Variants in HS3ST4 observed in about 807,000 individuals in gnomAD.
The protein encoded by HS3ST4 is heparan sulfate glucosamine 3-O-sulfotransferase 4.
In HS3ST4, 17 loss-of-function variants were observed where a neutral mutation model predicts 29.2. The observed-to-expected ratio is 0.58, with a 90% CI of 0.40 to 0.87. HS3ST4 has a LOEUF of 0.87. HS3ST4 is among the 40% of genes least tolerant of loss of function. The probability of loss-of-function intolerance (pLI) is 0.00; values close to 1 mark genes in which losing one functional copy is unlikely to be tolerated. For synonymous variants in HS3ST4, 314 were observed against 285.7 expected (o/e 1.10, Z -1.00); for missense variants, 627 against 634.5 (o/e 0.99, Z 0.13).
intron 1 of HS3ST4, among the ~76,000 whole-genome samples, chr16:25,754,060 G>A (rs1269477381): frequency 1.3e-5 from 2 of 152,144 alleles, no homozygotes; most frequent in Non-Finnish European, 2.9e-5. Context: ...TTCTTATGAT[G>A]GGAATGGTTG....
At chr16:25,910,325 A>C (rs1350437362) in intron 1 of HS3ST4, among the ~76,000 whole-genome samples, 2 of 152,174 alleles carry the variant, frequency 1.3e-5, no homozygotes, top group African/African-American at 4.8e-5. Context: ...AGAGTCCATG[A>C]AACATTGGAG....
At chr16:25,828,294 T>TTCTC (rs1567249485) in intron 1 of HS3ST4, among the ~76,000 whole-genome samples, 1 of 45,056 alleles carries the variant, frequency 2.2e-5, no homozygotes, top group Non-Finnish European at 4.3e-5. Flanking sequence ...CTTTCTTTCT[T>TTCTC]TCTTTCCCTC....
intron 1 of HS3ST4, among the ~76,000 whole-genome samples, chr16:25,739,501 G>C (rs950127717): frequency 6.6e-6 from 1 of 151,196 alleles, no homozygotes; most frequent in African/African-American, 2.5e-5. Context: ...TGCATGACAT[G>C]CTTAAAAACA....
At chr16:25,964,061 GC>G (rs1390305229) in intron 1 of HS3ST4, among the ~76,000 whole-genome samples, 2 of 151,914 alleles carry the variant, frequency 1.3e-5, no homozygotes, top group African/African-American at 4.8e-5. Context: ...TGTAATCCCA[GC>G]CACTTGGGAG....
intron 1 of HS3ST4, among the ~76,000 whole-genome samples, chr16:25,944,199 C>T (rs929255139): frequency 7.2e-5 from 11 of 152,232 alleles, no homozygotes; most frequent in Admixed American, 2.6e-4. Context: ...GAATAAGGCA[C>T]GCAGACACTG....
intron 1 of HS3ST4, among the ~76,000 whole-genome samples, chr16:25,850,828 T>A (rs952724871): frequency 6.6e-6 from 1 of 152,192 alleles, no homozygotes; most frequent in African/African-American, 2.4e-5. Flanking sequence ...GAAACTATTC[T>A]GTGTTAAGGA....
intron 1 of HS3ST4, among the ~76,000 whole-genome samples, chr16:25,822,935 C>T (rs968305464): frequency 6.6e-6 from 1 of 151,924 alleles, no homozygotes; most frequent in Non-Finnish European, 1.5e-5. Context: ...AAAGGATTTC[C>T]CTATGTTGGT....
intron 1 of HS3ST4, among the ~76,000 whole-genome samples, chr16:25,908,959 G>A (rs1399862669): frequency 2.6e-5 from 4 of 152,180 alleles, no homozygotes; most frequent in African/African-American, 9.6e-5. Flanking sequence ...GTCCCTTGGT[G>A]CCCAGGGCTG....
chr16:26,041,267 A>G (rs1295778684), intron 1 of HS3ST4, among the ~76,000 whole-genome samples: 1 of 152,048 alleles, frequency 6.6e-6, no homozygotes, highest in Non-Finnish European at 1.5e-5. Context: ...GATTGAACCT[A>G]AGAGTCAAGG....
At chr16:25,711,501 C>T (rs537281771) in intron 1 of HS3ST4, among the ~76,000 whole-genome samples, 3 of 152,114 alleles carry the variant, frequency 2.0e-5, no homozygotes, top group African/African-American at 7.2e-5. Flanking sequence ...GTGGTGGCCC[C>T]GTAAAGAGGA....
At chr16:25,835,798 A>T (rs1401876691) in intron 1 of HS3ST4, among the ~76,000 whole-genome samples, 2 of 152,166 alleles carry the variant, frequency 1.3e-5, no homozygotes, top group Non-Finnish European at 2.9e-5. Context: ...TCTCTCTTAT[A>T]CCAAAGGGTG....
chr16:25,806,414 G>A (rs1433523786), intron 1 of HS3ST4, among the ~76,000 whole-genome samples: 1 of 152,120 alleles, frequency 6.6e-6, no homozygotes, highest in African/African-American at 2.4e-5. Context: ...TGAAGTGCCA[G>A]CTCAGTGGCC....
intron 1 of HS3ST4, among the ~76,000 whole-genome samples, chr16:25,826,726 A>G (rs937832653): frequency 6.6e-5 from 10 of 152,190 alleles, no homozygotes; most frequent in South Asian, 2.1e-4. Flanking sequence ...TGAATCGTCA[A>G]GTTGGAGGGA....
chr16:25,731,244 C>T (rs1172810421), intron 1 of HS3ST4, among the ~76,000 whole-genome samples: 1 of 152,168 alleles, frequency 6.6e-6, no homozygotes, highest in East Asian at 1.9e-4. Context: ...GGCCCAGGGC[C>T]CTACATGAAC....
At chr16:25,854,739 T>C (rs944015594) in intron 1 of HS3ST4, among the ~76,000 whole-genome samples, 1 of 151,974 alleles carries the variant, frequency 6.6e-6, no homozygotes, top group Admixed American at 6.6e-5. Context: ...TCCACTGTTA[T>C]TTTACTGGAG....
intron 1 of HS3ST4, among the ~76,000 whole-genome samples, chr16:25,800,802 G>C (rs1390949813): frequency 6.6e-6 from 1 of 152,090 alleles, no homozygotes; most frequent in Non-Finnish European, 1.5e-5. Flanking sequence ...CCTTATAGGA[G>C]GGGTGCAAAG....
intron 1 of HS3ST4, among the ~76,000 whole-genome samples, chr16:26,002,058 A>G (rs181075974): frequency 1.2e-3 from 188 of 152,296 alleles, no homozygotes; most frequent in African/African-American, 4.2e-3. Flanking sequence ...AAAATAAAAC[A>G]TAGATACTAT....
intron 1 of HS3ST4, among the ~76,000 whole-genome samples, chr16:26,126,276 T>A (rs909097786): frequency 6.6e-6 from 1 of 152,152 alleles, no homozygotes; most frequent in African/African-American, 2.4e-5. Context: ...AATTTTCCCA[T>A]ATCCAGAGCT....
At chr16:25,807,964 A>G (rs1967004759) in intron 1 of HS3ST4, among the ~76,000 whole-genome samples, 1 of 151,752 alleles carries the variant, frequency 6.6e-6, no homozygotes, top group African/African-American at 2.4e-5. Flanking sequence ...TCTTGCGTAT[A>G]TTTTCTATTT....
Sources: gnomAD v4.1 joint callset for allele counts (sites outside exome capture counted in the v4.1 genomes callset) on GRCh38, gnomAD v4.1.1 for gene constraint, MANE v1.5 for transcripts, NCBI Gene and HGNC (gene_info 2026-07-23, HGNC 2026-07-21) for gene names.